The following TMEM59L variants were observed in gnomAD, a reference collection of about 807,000 sequenced individuals.
TMEM59L encodes transmembrane protein 59-like.
In TMEM59L, 31 loss-of-function variants were observed where a neutral mutation model predicts 39.6. That is an observed-to-expected ratio of 0.78 (90% CI 0.59 to 1.06). TMEM59L has a LOEUF of 1.06. TMEM59L is among the 50% of genes least tolerant of loss of function. The pLI is 0.00. For synonymous variants in TMEM59L, 219 were observed against 202.9 expected (o/e 1.08, Z -0.68); for missense variants, 441 against 451.3 (o/e 0.98, Z 0.21).
At chr19:18,618,646 CGTGTGT>C (rs10580494) in intron 7 of TMEM59L, among the ~76,000 whole-genome samples, 154 bp downstream of exon 7, 89 of 125,282 alleles carry the variant, frequency 7.1e-4, no homozygotes, top group South Asian at 3.1e-3. Flanking sequence ...TATACATATA[CGTGTGT>C]GTGTGTGTGT....
rs1217515307 is a variant in TMEM59L, at chr19:18,618,357, G to A, written c.783-18G>A. ...GTCCCGGCCTGGGCAGCTGAGTGGT[G>A]CCTGCCGGGCGGGGCAGGCGCTCGG... On this transcript the variant is annotated intron_variant, in intron 6 of 7. Transcript: ENST00000262817. 1.7e-5 allele frequency: 28 copies of A among 1,609,624 alleles called. No individual in the cohort carries two copies. The highest frequency in any genetic ancestry group is 2.4e-5 in the Non-Finnish European group (28 of 1,179,370).
intron 5 of TMEM59L, chr19:18,617,666 G>A (rs1249516905): frequency 2.2e-6 from 1 of 453,550 alleles, no homozygotes; most frequent in East Asian, 7.0e-5. Context: ...GGATTCTGCA[G>A]TTCATCTCCC....
At chr19:18,618,637 A>T in intron 7 of TMEM59L, 145 bp downstream of exon 7, 1 of 577,768 alleles carries the variant, frequency 1.7e-6, no homozygotes. Context: ...ATACATATAT[A>T]TACATATACG....
In TMEM59L at chr19:18,620,420, G is replaced by A. The variant is rs1211040797; in HGVS notation, c.913G>A (p.Glu305Lys). 3.7e-6 allele frequency: 6 copies of A among 1,612,338 alleles called. No individual in the cohort carries two copies. The highest frequency in any genetic ancestry group is 1.3e-5 in the African/African-American group (1 of 74,868). The part of the protein sequence containing the change: ...QHLKFQPLTL[E>K]QHKGFMMEPD... ...TCTCTTCCTGCAGCCTCTGACCCTGGAGCAGCACAAGGGCTTCATGATGGA... is the reference window on the plus strand; with the variant it reads ...TCTCTTCCTGCAGCCTCTGACCCTGAAGCAGCACAAGGGCTTCATGATGGA... Residue 305 changes from glutamate (E) to lysine (K), a missense_variant, in exon 8 of 8, where the codon GAG becomes AAG. Glu to Lys is a moderately conservative substitution (Grantham distance 56, BLOSUM62 1). Coordinates refer to ENST00000262817, the MANE Select transcript of TMEM59L (RefSeq NM_012109.3).
Position 18,613,926 on chromosome 19 carries a change from G to T in TMEM59L, c.226G>T (p.Ala76Ser), listed in dbSNP as rs1221867038. 2.5e-6 allele frequency: 4 copies of T among 1,612,966 alleles called. No homozygotes were observed. The Admixed American group carries it at 5.0e-5, about 20-fold the overall frequency. ...CTATGACAGAGCCGTTCTGATCAGC[G>T]CTTGCGAGCGTGGCTGCCGCCTCTT... ...SPYDRAVLIS[A>S]CERGCRLFSI... Residue 76 changes from alanine (A) to serine (S), a missense_variant, in exon 2 of 8, where the codon GCT (alanine) becomes TCT (serine). Coordinates refer to ENST00000262817, the MANE Select transcript of TMEM59L (RefSeq NM_012109.3).
chr19:18,617,172 A>G, intron 5 of TMEM59L, 70 bp downstream of exon 5: 1 of 1,180,994 alleles, frequency 8.5e-7, no homozygotes. Context: ...GGCCTGGCAA[A>G]CAGACCTTCT....
intron 1 of TMEM59L, 74 bp downstream of exon 1, chr19:18,613,203 T>C: frequency 1.6e-6 from 2 of 1,237,212 alleles, no homozygotes; most frequent in Non-Finnish European, 2.0e-6. Flanking sequence ...TGGGATGGGC[T>C]TCTCTTGGAT....
rs1179822796 is a variant in TMEM59L, at chr19:18,614,029, C to T, written c.316+13C>T. On this transcript the variant is annotated intron_variant, in intron 2 of 7. Transcript: ENST00000262817. ...GAGTGTGAAGCAGGTGAGGGCCCGC[C>T]GGCAGGGTGGGCCAGCGTGGGGAGA... The T allele has an allele frequency of 6.2e-7, 1 of 1,613,272 alleles. No homozygotes were observed. Among genetic ancestry groups the T allele is most frequent in the Non-Finnish European group, 8.5e-7 (1 of 1,179,944 alleles).
intron 7 of TMEM59L, 51 bp from the exon 8 acceptor site, chr19:18,620,357 G>A: frequency 1.9e-6 from 3 of 1,538,992 alleles, no homozygotes; most frequent in South Asian, 1.2e-5. Flanking sequence ...AGGGTTGGGG[G>A]CTCGGCCTCT....
rs1976434736 is a variant in TMEM59L, at chr19:18,617,009, A to G, written c.571A>G (p.Ile191Val). Residue 191 changes from isoleucine (I) to valine (V), a missense_variant, in exon 5 of 8, where the codon ATA becomes GTA. Coordinates refer to ENST00000262817, the MANE Select transcript of TMEM59L (RefSeq NM_012109.3). ...CTTGTTCCTGGCCCAGACTCAGCCC[A>G]TAGTGGAGAGCCTCGGCTTCCAGGG... ...GKVVVFQTQP[I>V]VESLGFQGGR... 1 of 1,610,718 alleles carries G rather than the reference A, an allele frequency of 6.2e-7. No homozygotes were observed. Among genetic ancestry groups the G allele is most frequent in the Non-Finnish European group, 8.5e-7 (1 of 1,178,398 alleles).
Position 18,621,012 on chromosome 19 carries a change from G to GGGA in TMEM59L, c.*480_*482dup, listed in dbSNP as rs1976492449. ...CGTGCCTGGGGCTTGTCTGGGGCTG[G>GGGA]GGAGGAATAAACCATGTATATAAAA... On this transcript the variant is annotated 3_prime_UTR_variant, in exon 8 of 8. Transcript: ENST00000262817. 6.5e-6 allele frequency: 1 copy of GGGA among 154,274 alleles called. No individual in the cohort carries two copies. The highest frequency in any genetic ancestry group is 1.9e-4 in the East Asian group (1 of 5,252). 9.6% of individuals were successfully genotyped at this position (154,274 alleles called of 1,614,324 possible). A position where few individuals can be genotyped will look rare whatever the true frequency, so the allele number is the denominator to read the frequency against.
In TMEM59L at chr19:18,613,889, C is replaced by T. The variant is rs764513816; in HGVS notation, c.189C>T (p.Ala63=). The change falls in exon 2 of 8, where the codon GCC becomes GCT. Residue 63 remains alanine, a synonymous_variant. Coordinates refer to ENST00000262817, the MANE Select transcript of TMEM59L (RefSeq NM_012109.3). ...TCCCCCAGGCGGGGCTGGAGGGCGC[C>T]TCCGAGTCTCCCTATGACAGAGCCG... ...PQPSQAGLEG[A]SESPYDRAVL... is the part of the protein sequence containing the mutation. The T allele has an allele frequency of 1.2e-6, 2 of 1,612,098 alleles. No individual in the cohort carries two copies. The highest frequency in any genetic ancestry group is 1.3e-5 in the African/African-American group (1 of 74,916).
At chr19:18,618,974 C>T (rs1364281394) in intron 7 of TMEM59L, among the ~76,000 whole-genome samples, 2 of 151,760 alleles carry the variant, frequency 1.3e-5, no homozygotes, top group South Asian at 2.1e-4. Flanking sequence ...GGATTACAGG[C>T]GTGACCCACC....
chr19:18,620,697 G>A lies in TMEM59L; in HGVS notation c.*161G>A. ...CACCCCTTGCCCCACGGAGTCCTGG[G>A]GACGCAGTGCCCCAGCTGGGAAGAG... is the stretch of plus-strand genomic sequence containing the variant. On this transcript the variant is annotated 3_prime_UTR_variant, in exon 8 of 8. Transcript: ENST00000262817. 2 of 1,102,118 alleles carry A rather than the reference G, an allele frequency of 1.8e-6. No homozygotes were observed. The highest frequency in any genetic ancestry group is 2.0e-5 in the South Asian group (1 of 49,590). The allele number at this position is 1,102,118 out of a possible 1,614,324, so 68.3% of individuals were successfully genotyped here.
At chr19:18,617,368 G>T (rs772897064) in intron 5 of TMEM59L, 1 of 571,094 alleles carries the variant, frequency 1.8e-6, no homozygotes, top group South Asian at 1.5e-5. Flanking sequence ...ATTTACCAGG[G>T]ATCCGTGGTC....
intron 7 of TMEM59L, among the ~76,000 whole-genome samples, chr19:18,619,532 T>C (rs1726585650): frequency 6.6e-6 from 1 of 152,080 alleles, no homozygotes; most frequent in South Asian, 2.1e-4. Context: ...TGGCTGGGCA[T>C]GGTGGCCCAT....
At chr19:18,617,699 A>G (rs1455717944) in intron 5 of TMEM59L, 4 of 439,136 alleles carry the variant, frequency 9.1e-6, no homozygotes, top group Non-Finnish European at 4.5e-6. Flanking sequence ...CCCATCCCCC[A>G]GGGTTCTGCA....
At chr19:18,619,385 A>T (rs1976469057) in intron 7 of TMEM59L, among the ~76,000 whole-genome samples, 1 of 152,236 alleles carries the variant, frequency 6.6e-6, no homozygotes, top group Non-Finnish European at 1.5e-5. Context: ...ACATGAAGTC[A>T]GAGGTGGCCA....
At chr19:18,615,596 C>T (rs1976418790) in intron 3 of TMEM59L, among the ~76,000 whole-genome samples, 1 of 152,170 alleles carries the variant, frequency 6.6e-6, no homozygotes, top group Non-Finnish European at 1.5e-5. Flanking sequence ...AGCTCCTCTC[C>T]TGTTAGTTTA....
Sources: gnomAD v4.1 joint callset for allele counts (sites outside exome capture counted in the v4.1 genomes callset) on GRCh38, gnomAD v4.1.1 for gene constraint, MANE v1.5 for transcripts, NCBI Gene and HGNC (gene_info 2026-07-23, HGNC 2026-07-21) for gene names.